Variants in SKP2 observed in about 807,000 individuals in gnomAD.
The protein encoded by SKP2 is S-phase kinase associated protein 2, also known as S-phase kinase-associated protein 2.
SKP2 carries 16 observed loss-of-function variants against 51.8 expected under a neutral mutation model. The observed-to-expected ratio is 0.31, with a 90% CI of 0.21 to 0.47. The LOEUF (loss-of-function observed/expected upper bound fraction) is 0.47. SKP2 is among the 20% of genes least tolerant of loss of function. SKP2 has a pLI of 1.00. For missense variants in SKP2, 377 were observed against 505.3 expected (o/e 0.75, Z 2.43); for synonymous variants, 176 against 198.6 (o/e 0.89, Z 0.96).
intron 2 of SKP2, among the ~76,000 whole-genome samples, chr5:36,159,436 G>C (rs1163892508): frequency 2.6e-5 from 4 of 152,086 alleles, no homozygotes; most frequent in Admixed American, 2.0e-4. Context: ...CCTTTCCCCA[G>C]CCATAATTTC....
In SKP2 at chr5:36,182,709, G is replaced by A; in HGVS notation, c.*678G>A. On this transcript the variant is annotated 3_prime_UTR_variant, in exon 10 of 10. Coordinates refer to ENST00000274255, the MANE Select transcript of SKP2 (RefSeq NM_005983.4). ...GCCCAGCAGACAGTTTTCTATGACA[G>A]GTTAATCTGAAGTATCCTGTAATGT... 1 of 979,952 alleles carries A rather than the reference G, an allele frequency of 1.0e-6. No individual in the cohort carries two copies. The highest frequency in any genetic ancestry group is 1.2e-6 in the Non-Finnish European group (1 of 824,992). The allele number at this position is 979,952 out of a possible 1,614,324, so 60.7% of individuals were successfully genotyped here. A position where few individuals can be genotyped will look rare whatever the true frequency, so the allele number is the denominator to read the frequency against.
chr5:36,173,107 C>A (rs753034193), intron 7 of SKP2, among the ~76,000 whole-genome samples: 62 of 151,626 alleles, frequency 4.1e-4, no homozygotes, highest in Admixed American at 9.9e-4. Context: ...CTTTTTAACC[C>A]CATTTTCAGT....
chr5:36,172,790 G>A (rs1245805649), intron 7 of SKP2, among the ~76,000 whole-genome samples: 1 of 152,092 alleles, frequency 6.6e-6, no homozygotes, highest in Non-Finnish European at 1.5e-5. Flanking sequence ...ACCTGTGCAA[G>A]GACTCAAATT....
rs1745898670 is a variant in SKP2 at position 36,183,936 on chromosome 5, A to G, written c.*1905A>G. ...CCAAACTCAAGTCCAGCCATAAGCTATTTTGCCAACATGTCAGAGTAATCT... is the reference window on the plus strand; with the variant it reads ...CCAAACTCAAGTCCAGCCATAAGCTGTTTTGCCAACATGTCAGAGTAATCT... On this transcript the variant is annotated 3_prime_UTR_variant, in exon 10 of 10. Coordinates refer to ENST00000274255, the MANE Select transcript of SKP2 (RefSeq NM_005983.4). The G allele has an allele frequency of 6.2e-7, 1 of 1,611,610 alleles. No individual in the cohort carries two copies. Among genetic ancestry groups the G allele is most frequent in the Non-Finnish European group, 8.5e-7 (1 of 1,179,616 alleles).
downstream of SKP2, among the ~76,000 whole-genome samples, chr5:36,186,812 G>A (rs1281901629): frequency 2.0e-5 from 3 of 152,132 alleles, no homozygotes; most frequent in African/African-American, 7.2e-5. Context: ...AGTTTCAGAA[G>A]GAATGGTACC....
chr5:36,186,927 T>A (rs1341614584), downstream of SKP2, among the ~76,000 whole-genome samples: 1 of 152,234 alleles, frequency 6.6e-6, no homozygotes, highest in Non-Finnish European at 1.5e-5. Flanking sequence ...CAGAGCCTGT[T>A]ATTGGTCTAT....
At chr5:36,160,433 A>C (rs1359908932) in intron 2 of SKP2, among the ~76,000 whole-genome samples, 1 of 152,106 alleles carries the variant, frequency 6.6e-6, no homozygotes, top group Non-Finnish European at 1.5e-5. Flanking sequence ...GCCCATCAGG[A>C]TAGTTTATTG....
intron 6 of SKP2, among the ~76,000 whole-genome samples, chr5:36,189,332 G>A (rs1204641947): frequency 6.6e-6 from 1 of 152,152 alleles, no homozygotes; most frequent in Non-Finnish European, 1.5e-5. Flanking sequence ...TTTCTGCTCT[G>A]TTTTTTCCCT....
intron 2 of SKP2, among the ~76,000 whole-genome samples, chr5:36,156,924 CTT>C (rs561524146): frequency 6.8e-6 from 1 of 147,840 alleles, no homozygotes; most frequent in South Asian, 2.1e-4. Context: ...TTTTTTCCAA[CTT>C]TTTTTTTTTA....
At position 36,152,859 on chromosome 5, in the gene SKP2, C is replaced by T. The variant is rs752150934; in HGVS notation, c.97C>T (p.Leu33=). ...GWDSSKTSEL[L]SGMGVSALEK... ...GGATTCCAGCAAGACTTCTGAACTG[C>T]TGTCAGGCATGGGGGTCTCCGCCCT... is the stretch of plus-strand genomic sequence containing the variant. The change falls in exon 2 of 10, where the codon CTG becomes TTG. Residue 33 remains leucine, a synonymous_variant. Coordinates refer to ENST00000274255, the MANE Select transcript of SKP2 (RefSeq NM_005983.4). 2 of 1,614,120 alleles carry T rather than the reference C, an allele frequency of 1.2e-6. No individual in the cohort carries two copies. The highest frequency in any genetic ancestry group is 1.7e-6 in the Non-Finnish European group (2 of 1,179,998).
intron 4 of SKP2, 63 bp downstream of exon 4, chr5:36,166,725 C>CTTTTTTTT (rs3086385): frequency 4.9e-5 from 42 of 861,564 alleles, no homozygotes; most frequent in Non-Finnish European, 5.2e-5. Flanking sequence ...CAGATCAAAG[C>CTTTTTTTT]TTTTTTTTTT....
rs1745834314 is a variant in SKP2 at position 36,182,221 on chromosome 5, C to T, written c.*190C>T. On this transcript the variant is annotated 3_prime_UTR_variant, in exon 10 of 10. Transcript: ENST00000274255. ...TTGAAATGATTCTAAAAGCTTCTAT[C>T]ACTGCTTTGCTCTTAAGAGCCAAAG... The T allele has an allele frequency of 7.2e-7, 1 of 1,391,992 alleles. No individual in the cohort carries two copies. The highest frequency in any genetic ancestry group is 9.3e-7 in the Non-Finnish European group (1 of 1,075,772). The allele number at this position is 1,391,992 out of a possible 1,614,324, so 86.2% of individuals were successfully genotyped here.
chr5:36,160,351 C>T (rs1745084709), intron 2 of SKP2, among the ~76,000 whole-genome samples: 1 of 152,364 alleles, frequency 6.6e-6, no homozygotes, highest in Non-Finnish European at 1.5e-5. Context: ...ATAGAGGCCA[C>T]TTCCTCCAGG....
intron 2 of SKP2, among the ~76,000 whole-genome samples, chr5:36,157,703 G>C (rs1167965299): frequency 6.6e-6 from 1 of 152,138 alleles, no homozygotes; most frequent in Non-Finnish European, 1.5e-5. Context: ...TGAGTACCAG[G>C]TCCTCAGTAT....
At position 36,182,194 on chromosome 5, in the gene SKP2, T is replaced by G; in HGVS notation, c.*163T>G. 7.1e-7 allele frequency: 1 copy of G among 1,416,932 alleles called. No homozygotes were observed. The highest frequency in any genetic ancestry group is 2.5e-5 in the East Asian group (1 of 39,688). The allele number at this position is 1,416,932 out of a possible 1,614,324, so 87.8% of individuals were successfully genotyped here. A position where few individuals can be genotyped will look rare whatever the true frequency, so the allele number is the denominator to read the frequency against. Reference sequence around the variant, plus strand: ...AGAGGGAAAACTATGAAATCTTGCTTTTTGAAATGATTCTAAAAGCTTCTA... The same window carrying G: ...AGAGGGAAAACTATGAAATCTTGCTGTTTGAAATGATTCTAAAAGCTTCTA... On this transcript the variant is annotated 3_prime_UTR_variant, in exon 10 of 10. Coordinates refer to ENST00000274255, the MANE Select transcript of SKP2 (RefSeq NM_005983.4).
chr5:36,161,746 C>T (rs570818013), intron 2 of SKP2, among the ~76,000 whole-genome samples: 2 of 152,268 alleles, frequency 1.3e-5, no homozygotes, highest in African/African-American at 4.8e-5. Context: ...TGTTTTTCTC[C>T]CTTGTGTCCT....
At chr5:36,164,109 G>C (rs1745212023) in intron 3 of SKP2, among the ~76,000 whole-genome samples, 1 of 152,192 alleles carries the variant, frequency 6.6e-6, no homozygotes, top group East Asian at 1.9e-4. Context: ...GAGCACAATA[G>C]GGAGAGGGAA....
At chr5:36,190,625 G>T (rs1409674329) in intron 6 of SKP2, among the ~76,000 whole-genome samples, 1 of 141,160 alleles carries the variant, frequency 7.1e-6, no homozygotes, top group Non-Finnish European at 1.5e-5. Context: ...TCACCCAATT[G>T]TGCTGGTCCT....
intron 6 of SKP2, among the ~76,000 whole-genome samples, chr5:36,190,950 G>A (rs1201138121): frequency 6.6e-6 from 1 of 152,008 alleles, no homozygotes; most frequent in African/African-American, 2.4e-5. Flanking sequence ...TTCTTCAATG[G>A]GTTTATTTTG....
Sources: allele counts gnomAD v4.1 joint callset (sites outside exome capture counted in the v4.1 genomes callset), GRCh38; gene constraint gnomAD v4.1.1; transcripts MANE v1.5; gene names NCBI Gene and HGNC (gene_info 2026-07-23, HGNC 2026-07-21).